GAD2: variants seen among roughly 807,000 people sequenced by gnomAD.
GAD2 encodes glutamate decarboxylase 2, also known as 65 kDa glutamic acid decarboxylase.
GAD2 carries 22 observed loss-of-function variants against 80.1 expected under a neutral mutation model. That is an observed-to-expected ratio of 0.27 (90% confidence interval 0.20 to 0.39). The LOEUF (loss-of-function observed/expected upper bound fraction) is 0.39, where lower values mean the gene tolerates loss of function less well. Ranked by LOEUF, GAD2 falls within the 10% of genes least tolerant of loss-of-function variation. The pLI is 1.00. For synonymous variants in GAD2, 274 were observed against 256.9 expected (o/e 1.07, Z -0.64); for missense variants, 624 against 738.4 (o/e 0.85, Z 1.80).
chr10:26,222,463 C>T (rs1225800575), intron 4 of GAD2, among the ~76,000 whole-genome samples: 1 of 151,632 alleles, frequency 6.6e-6, no homozygotes, highest in African/African-American at 2.4e-5. Context: ...GCTGTGATTT[C>T]AGCTGCGAGC....
At chr10:26,285,712 A>G (rs2132315370) in intron 12 of GAD2, among the ~76,000 whole-genome samples, 1 of 152,266 alleles carries the variant, frequency 6.6e-6, no homozygotes, top group South Asian at 2.1e-4. Context: ...TTGAGAGAGG[A>G]ATATGACATT....
chr10:26,301,042 G>C lies in GAD2; in HGVS notation c.*81G>C, dbSNP rs1834324797. The C allele has an allele frequency of 2.5e-6, 3 of 1,218,654 alleles. No homozygotes were observed. Among genetic ancestry groups the C allele is most frequent in the Non-Finnish European group, 2.4e-6 (2 of 843,864 alleles). The allele number at this position is 1,218,654 out of a possible 1,614,324, so 75.5% of individuals were successfully genotyped here. A position where few individuals can be genotyped will look rare whatever the true frequency, so the allele number is the denominator to read the frequency against. On this transcript the variant is annotated 3_prime_UTR_variant, in exon 16 of 16. Transcript: ENST00000376261. Reference sequence around the variant, plus strand: ...AACTGTGTGAATGTATTTGTAGTTTGTTCCAAAGTAAATCTATTTCTATAT... The same window carrying C: ...AACTGTGTGAATGTATTTGTAGTTTCTTCCAAAGTAAATCTATTTCTATAT...
chr10:26,254,455 T>C (rs8190681), intron 8 of GAD2, among the ~76,000 whole-genome samples: 1,761 of 152,274 alleles, frequency 0.012, 34 homozygotes, highest in African/African-American at 0.038. Flanking sequence ...CACCTCCTGC[T>C]GTGTGACCGG....
intron 11 of GAD2, 46 bp from the exon 12 acceptor site, chr10:26,280,963 C>A: frequency 7.4e-7 from 1 of 1,350,970 alleles, no homozygotes; most frequent in Non-Finnish European, 1.1e-6. Context: ...TGCCCTGAGC[C>A]TGTCAGGGTG....
At chr10:26,218,435 C>A (rs1352675446) in intron 3 of GAD2, 1 of 161,654 alleles carries the variant, frequency 6.2e-6, no homozygotes, top group African/African-American at 2.4e-5. Flanking sequence ...AGAACGATTC[C>A]ATTCACATGA....
chr10:26,285,041 A>C (rs1000819398), intron 12 of GAD2, among the ~76,000 whole-genome samples: 6 of 152,238 alleles, frequency 3.9e-5, no homozygotes, highest in Non-Finnish European at 5.9e-5. Context: ...TTCTGTGACC[A>C]TGAAACCAAA....
intron 11 of GAD2, among the ~76,000 whole-genome samples, chr10:26,274,036 G>A (rs1409864148): frequency 6.6e-6 from 1 of 152,058 alleles, no homozygotes; most frequent in Non-Finnish European, 1.5e-5. Context: ...GGCAGCCCAC[G>A]TTTTACTAGG....
At chr10:26,248,236 G>C (rs988067150) in intron 8 of GAD2, among the ~76,000 whole-genome samples, 2 of 152,222 alleles carry the variant, frequency 1.3e-5, no homozygotes, top group African/African-American at 4.8e-5. Context: ...GGGATATCTT[G>C]AAGCAGGACT....
chr10:26,245,473 T>C (rs1844797417), intron 7 of GAD2, among the ~76,000 whole-genome samples: 1 of 152,020 alleles, frequency 6.6e-6, no homozygotes, highest in African/African-American at 2.4e-5. Context: ...GTTTCACTCT[T>C]GTCTCCCAAG....
chr10:26,265,198 C>T lies in GAD2; in HGVS notation c.921-3921C>T, dbSNP rs554974541. Among the ~76,000 whole-genome samples, 57 of 144,314 alleles carry T rather than the reference C, an allele frequency of 3.9e-4. 1 individual carries two copies. The highest frequency in any genetic ancestry group is 1.4e-3 in the African/African-American group (52 of 37,148). The allele number at this position is 144,314 out of a possible 152,430, so 94.7% of individuals were successfully genotyped here. On this transcript the variant is annotated intron_variant, in intron 8 of 15. Transcript: ENST00000376261. The stretch of plus-strand genomic sequence containing the variant: ...AGGGAGTTATCTGATCCTATAGCAT[C>T]ATACGACTTTTTTTTTTTTTTTTTT...
In GAD2 at chr10:26,303,272, C is replaced by G. The variant is rs565725062; in HGVS notation, c.*2311C>G. On this transcript the variant is annotated 3_prime_UTR_variant, in exon 16 of 16. Coordinates refer to ENST00000376261, the MANE Select transcript of GAD2 (RefSeq NM_001134366.2). ...AGCTCTTCTTCCCCGCTCCCCTACCCCTTCCCAGTACTCCTTCAAATTGGC... is the reference window on the plus strand; with the variant it reads ...AGCTCTTCTTCCCCGCTCCCCTACCGCTTCCCAGTACTCCTTCAAATTGGC... 6.6e-6 allele frequency: 1 copy of G among 152,302 alleles called. No homozygotes were observed. Among genetic ancestry groups the G allele is most frequent in the Admixed American group, 6.5e-5 (1 of 15,298 alleles). 9.4% of individuals were successfully genotyped at this position (152,302 alleles called of 1,614,324 possible). A position where few individuals can be genotyped will look rare whatever the true frequency, so the allele number is the denominator to read the frequency against.
intron 8 of GAD2, among the ~76,000 whole-genome samples, chr10:26,264,117 G>A (rs1296889532): frequency 1.3e-5 from 2 of 152,150 alleles, no homozygotes; most frequent in East Asian, 3.8e-4. Flanking sequence ...CACACATTGA[G>A]TGGTTACCAA....
chr10:26,224,724 T>C, intron 6 of GAD2, 73 bp downstream of exon 6: 4 of 1,113,542 alleles, frequency 3.6e-6, no homozygotes, highest in Non-Finnish European at 4.1e-6. Flanking sequence ...CTAGGGAAGA[T>C]TAAAAATCTA....
At chr10:26,295,377 C>T (rs1834261879) in intron 15 of GAD2, among the ~76,000 whole-genome samples, 2 of 152,086 alleles carry the variant, frequency 1.3e-5, no homozygotes, top group Admixed American at 1.3e-4. Flanking sequence ...GAAAATAGAA[C>T]CACATGAATA....
intron 15 of GAD2, among the ~76,000 whole-genome samples, chr10:26,293,649 G>A (rs903413553): frequency 3.3e-5 from 5 of 152,174 alleles, no homozygotes; most frequent in Non-Finnish European, 5.9e-5. Context: ...GCACAAAAGA[G>A]ACTTTAGGTA....
chr10:26,220,741 A>G (rs1036505807), intron 4 of GAD2, among the ~76,000 whole-genome samples: 1 of 152,246 alleles, frequency 6.6e-6, no homozygotes, highest in Non-Finnish European at 1.5e-5. Flanking sequence ...TTGTATTGCT[A>G]CCAAACCAAA....
intron 6 of GAD2, among the ~76,000 whole-genome samples, chr10:26,227,992 G>A (rs1844551145): frequency 6.6e-6 from 1 of 152,188 alleles, no homozygotes; most frequent in African/African-American, 2.4e-5. Context: ...CAGAGCCCAG[G>A]GCTCAAGAGA....
chr10:26,300,927 T>C lies in GAD2; in HGVS notation c.1724T>C (p.Ile575Thr), dbSNP rs145419731. 149 of 1,614,002 alleles carry C rather than the reference T, an allele frequency of 9.2e-5. No individual in the cohort carries two copies. The highest frequency in any genetic ancestry group is 6.6e-4 in the Middle Eastern group (4 of 6,058). Residue 575 changes from isoleucine (I) to threonine (T), a missense_variant, in exon 16 of 16, where the codon ATT becomes ACT. By Grantham distance (89) the Ile-to-Thr change is moderately conservative (BLOSUM62 -1). Coordinates refer to ENST00000376261, the MANE Select transcript of GAD2 (RefSeq NM_001134366.2). ...AATHQDIDFL[I>T]EEIERLGQDL ...ACTCACCAAGACATTGACTTCCTGA[T>C]TGAAGAAATAGAACGCCTTGGACAA...
intron 8 of GAD2, among the ~76,000 whole-genome samples, chr10:26,258,253 A>G (rs560313950): frequency 6.6e-6 from 1 of 152,372 alleles, no homozygotes; most frequent in African/African-American, 2.4e-5. Flanking sequence ...GTTTTCTATC[A>G]TAGCCCCTCA....
Sources: allele counts gnomAD v4.1 joint callset (sites outside exome capture counted in the v4.1 genomes callset), GRCh38; gene constraint gnomAD v4.1.1; transcripts MANE v1.5; gene names NCBI Gene and HGNC (gene_info 2026-07-23, HGNC 2026-07-21).